The following TSTD2 variants were observed in gnomAD, a reference collection of about 807,000 sequenced individuals.
The protein encoded by TSTD2 is thiosulfate sulfurtransferase like domain containing 2.
TSTD2 carries 37 observed loss-of-function variants against 47.9 expected under a neutral mutation model. That is an observed-to-expected ratio of 0.77 (90% CI 0.59 to 1.02). The LOEUF (loss-of-function observed/expected upper bound fraction) is 1.02, where lower values mean the gene tolerates loss of function less well. TSTD2 is among the 50% of genes least tolerant of loss of function. TSTD2 has a pLI of 0.00. For missense variants in TSTD2, 586 were observed against 616.0 expected (o/e 0.95, Z 0.52); for synonymous variants, 201 against 215.9 (o/e 0.93, Z 0.61).
Position 97,600,772 on chromosome 9 carries a change from T to G in TSTD2, c.*1697A>C. On this transcript the variant is annotated 3_prime_UTR_variant, in exon 10 of 10. Transcript: ENST00000341170. ...AAATCCTGGCCAAACCACCCCAAGA[T>G]GATTACACTGAAATGTAGTATTAGT... The G allele has an allele frequency of 9.9e-7, 1 of 1,012,456 alleles. No individual in the cohort carries two copies. Among genetic ancestry groups the G allele is most frequent in the Non-Finnish European group, 1.2e-6 (1 of 845,832 alleles). The allele number at this position is 1,012,456 out of a possible 1,614,324, so 62.7% of individuals were successfully genotyped here.
rs1826273833 is a variant in TSTD2 at position 97,602,213 on chromosome 9, C to G, written c.*256G>C. On this transcript the variant is annotated 3_prime_UTR_variant, in exon 10 of 10. Coordinates refer to ENST00000341170, the MANE Select transcript of TSTD2 (RefSeq NM_139246.5). ...GTGGCCACCAGGCTCAGGCTCTATC[C>G]CTCAGCAGCTTTGGGATCCCATGCA... 2.1e-6 allele frequency: 1 copy of G among 475,112 alleles called. No homozygotes were observed. Among genetic ancestry groups the G allele is most frequent in the Admixed American group, 3.9e-5 (1 of 25,484 alleles). The allele number at this position is 475,112 out of a possible 1,614,324, so 29.4% of individuals were successfully genotyped here.
Position 97,605,653 on chromosome 9 carries a change from G to T in TSTD2, c.955-12C>A. ...CCTTGGAATCGTCCCTGTAACATAG[G>T]AGCAACAAAAGGAAAATTATCAGAA... On this transcript the variant is annotated splice_polypyrimidine_tract_variant and intron_variant, in intron 7 of 9. Transcript: ENST00000341170. 6.2e-7 allele frequency: 1 copy of T among 1,614,026 alleles called. No homozygotes were observed. Among genetic ancestry groups the T allele is most frequent in the Non-Finnish European group, 8.5e-7 (1 of 1,179,974 alleles).
Position 97,605,468 on chromosome 9 carries a change from G to A in TSTD2, c.1113+15C>T, listed in dbSNP as rs768440851. 18 of 1,612,770 alleles carry A rather than the reference G, an allele frequency of 1.1e-5. No homozygotes were observed. Among genetic ancestry groups the A allele is most frequent in the East Asian group, 2.2e-5 (1 of 44,868 alleles). ...TTCACTGCCATGCCCACAGTGCCCCGGGGTGGTGGCTCACCTTGGCTTTGA... is the reference window on the plus strand; with the variant it reads ...TTCACTGCCATGCCCACAGTGCCCCAGGGTGGTGGCTCACCTTGGCTTTGA... On this transcript the variant is annotated intron_variant, in intron 8 of 9. Coordinates refer to ENST00000341170, the MANE Select transcript of TSTD2 (RefSeq NM_139246.5).
chr9:97,623,485 T>C (rs562039585), intron 3 of TSTD2, among the ~76,000 whole-genome samples: 3 of 152,392 alleles, frequency 2.0e-5, no homozygotes, highest in South Asian at 4.1e-4. Flanking sequence ...TCTCTGTGTC[T>C]TCCCACTTGT....
chr9:97,617,371 A>C (rs1826561145), intron 4 of TSTD2, among the ~76,000 whole-genome samples: 1 of 152,210 alleles, frequency 6.6e-6, no homozygotes, highest in Non-Finnish European at 1.5e-5. Flanking sequence ...TATATCACAA[A>C]CATTTCCCTA....
Position 97,625,002 on chromosome 9 carries a change from A to G in TSTD2, c.482+679T>C, listed in dbSNP as rs540751098. 5.9e-5 allele frequency among the ~76,000 whole-genome samples: 9 copies of G among 152,320 alleles called. No individual in the cohort carries two copies. The East Asian group carries it at 1.2e-3, about 20-fold the overall frequency. ...AAGCATGGCACAGTTTACAAGTGAAATACACAGATCTTAAGTGTAAAGTTT... is the reference window on the plus strand; with the variant it reads ...AAGCATGGCACAGTTTACAAGTGAAGTACACAGATCTTAAGTGTAAAGTTT... On this transcript the variant is annotated intron_variant, in intron 3 of 9. Transcript: ENST00000341170.
chr9:97,609,039 A>G (rs950882790), intron 6 of TSTD2, among the ~76,000 whole-genome samples: 2 of 152,198 alleles, frequency 1.3e-5, no homozygotes, highest in Non-Finnish European at 2.9e-5. Context: ...CCTGGTTGTT[A>G]ATACAGTAGC....
In TSTD2 at chr9:97,602,451, A is replaced by C. The variant is rs1826277797; in HGVS notation, c.*18T>G. 2 of 1,568,236 alleles carry C rather than the reference A, an allele frequency of 1.3e-6. No homozygotes were observed. The highest frequency in any genetic ancestry group is 1.7e-6 in the Non-Finnish European group (2 of 1,154,182). ...ACCTACTTTTACCGAGGGCCTGGGA[A>C]AATGCCAAAGGTGCTGCTCACATAA... On this transcript the variant is annotated 3_prime_UTR_variant, in exon 10 of 10. Transcript: ENST00000341170.
chr9:97,611,414 C>CA (rs1407521141), intron 5 of TSTD2, among the ~76,000 whole-genome samples, 160 bp downstream of exon 5: 1 of 151,538 alleles, frequency 6.6e-6, no homozygotes, highest in Non-Finnish European at 1.5e-5. Context: ...AAGACCCTGT[C>CA]AAAAAACAAA....
chr9:97,622,803 T>C (rs1826662133), intron 3 of TSTD2, among the ~76,000 whole-genome samples: 1 of 152,234 alleles, frequency 6.6e-6, no homozygotes, highest in Non-Finnish European at 1.5e-5. Flanking sequence ...ATGGGGCCTG[T>C]GGCCCCTTTG....
rs1826261789 is a variant in TSTD2, at chr9:97,601,605, T to C, written c.*864A>G. 1.0e-6 allele frequency: 1 copy of C among 987,404 alleles called. No individual in the cohort carries two copies. The highest frequency in any genetic ancestry group is 1.2e-6 in the Non-Finnish European group (1 of 831,364). The allele number at this position is 987,404 out of a possible 1,614,324, so 61.2% of individuals were successfully genotyped here. ...GGTCTAGATCAGGGGCTGGCAAACT[T>C]TTCTGTAAAAGGCCAGACAGTAAAA... On this transcript the variant is annotated 3_prime_UTR_variant, in exon 10 of 10. Coordinates refer to ENST00000341170, the MANE Select transcript of TSTD2 (RefSeq NM_139246.5).
intron 3 of TSTD2, among the ~76,000 whole-genome samples, chr9:97,623,065 T>A (rs769213208): frequency 6.6e-6 from 1 of 152,212 alleles, no homozygotes; most frequent in Non-Finnish European, 1.5e-5. Context: ...CAGAATGATA[T>A]GGTTTGATTG....
chr9:97,617,562 G>A (rs1011349993), intron 4 of TSTD2, among the ~76,000 whole-genome samples, 195 bp downstream of exon 4: 3 of 152,156 alleles, frequency 2.0e-5, no homozygotes, highest in Non-Finnish European at 4.4e-5. Flanking sequence ...CTGACTCCTG[G>A]TTTATGCCAG....
intron 6 of TSTD2, 102 bp downstream of exon 6, chr9:97,610,244 G>T: frequency 1.0e-6 from 1 of 971,580 alleles, no homozygotes; most frequent in Non-Finnish European, 1.5e-6. Flanking sequence ...CTGCTTTAGA[G>T]AGGACTCATG....
chr9:97,618,287 G>T (rs1157862803), intron 3 of TSTD2, among the ~76,000 whole-genome samples: 1 of 152,108 alleles, frequency 6.6e-6, no homozygotes, highest in African/African-American at 2.4e-5. Flanking sequence ...TATGATGCAG[G>T]TTATTATTAT....
chr9:97,626,695 A>G (rs537934198), intron 2 of TSTD2, among the ~76,000 whole-genome samples: 150 of 152,322 alleles, frequency 9.8e-4, no homozygotes, highest in Non-Finnish European at 1.5e-3. Flanking sequence ...CTATCTTTCT[A>G]TATCTTTAAC....
In TSTD2 at chr9:97,606,226, C is replaced by A; in HGVS notation, c.871G>T (p.Val291Leu). Residue 291 changes from valine (V) to leucine (L), a missense_variant, in exon 7 of 10, where the codon GTA becomes TTA. By Grantham distance (32) the Val-to-Leu change is conservative. Coordinates refer to ENST00000341170, the MANE Select transcript of TSTD2 (RefSeq NM_139246.5). ...TTTGCCTGAGATAAAAACTTTTCTA[C>A]TTCTTTATGAAATTCACCTGGGGAT... is the stretch of plus-strand genomic sequence containing the variant. ...HLSPGEFHKE[V>L]EKFLSQANQE... 6.2e-7 allele frequency: 1 copy of A among 1,610,598 alleles called. No individual in the cohort carries two copies. Among genetic ancestry groups the A allele is most frequent in the Non-Finnish European group, 8.5e-7 (1 of 1,178,430 alleles).
intron 5 of TSTD2, 120 bp downstream of exon 5, chr9:97,611,453 TA>T: frequency 1.7e-6 from 2 of 1,199,350 alleles, no homozygotes; most frequent in Non-Finnish European, 1.1e-6. Context: ...CCCCAAAAAA[TA>T]AAGGGGAAAG....
intron 3 of TSTD2, among the ~76,000 whole-genome samples, 159 bp from the exon 4 acceptor site, chr9:97,618,036 ACTT>A (rs1275318180): frequency 6.6e-6 from 1 of 152,176 alleles, no homozygotes; most frequent in African/African-American, 2.4e-5. Context: ...ATGAGAAGCA[ACTT>A]CTTTTTATAT....
Sources: allele counts gnomAD v4.1 joint callset (sites outside exome capture counted in the v4.1 genomes callset), GRCh38; gene constraint gnomAD v4.1.1; transcripts MANE v1.5; gene names NCBI Gene and HGNC (gene_info 2026-07-23, HGNC 2026-07-21).